The following TMEM132B variants were observed in gnomAD, a reference collection of about 807,000 sequenced individuals.
TMEM132B encodes transmembrane protein 132B.
A neutral mutation model predicts 90.8 loss-of-function variants in TMEM132B; 18 were observed. The observed-to-expected ratio is 0.20, with a 90% CI of 0.14 to 0.29. TMEM132B has a LOEUF of 0.29. Among genes scored for constraint, TMEM132B ranks in the 10% least tolerant of loss-of-function variants. TMEM132B has a pLI of 1.00. For missense variants in TMEM132B, 1,096 were observed against 1,326.8 expected, an observed-to-expected ratio of 0.83 and a Z score of 2.70; for synonymous variants, 504 against 523.3, an observed-to-expected ratio of 0.96 and a Z score of 0.50.
At chr12:125,366,556 G>A (rs2136261679) in intron 2 of TMEM132B, among the ~76,000 whole-genome samples, 1 of 152,268 alleles carries the variant, frequency 6.6e-6, no homozygotes, top group South Asian at 2.1e-4. Flanking sequence ...GTCACCTGTA[G>A]GTGATGTGTT....
chr12:125,192,473 C>T (rs1331163667), intron 1 of TMEM132B, among the ~76,000 whole-genome samples: 3 of 152,200 alleles, frequency 2.0e-5, no homozygotes, highest in African/African-American at 7.2e-5. Flanking sequence ...GAATTTTCCC[C>T]TCCCCCAACC....
intron 1 of TMEM132B, among the ~76,000 whole-genome samples, chr12:125,310,501 CAGTT>C: frequency 6.6e-6 from 1 of 152,320 alleles, no homozygotes; most frequent in South Asian, 2.1e-4. Context: ...AGGGTTCACA[CAGTT>C]AATCAGCAGG....
At chr12:125,426,195 T>A (rs149748305) in intron 3 of TMEM132B, among the ~76,000 whole-genome samples, 105 of 152,370 alleles carry the variant, frequency 6.9e-4, no homozygotes, top group African/African-American at 2.3e-3. Flanking sequence ...TCCCCAATGA[T>A]ACATGATGCT....
At chr12:125,315,058 C>T (rs1653402865) in intron 1 of TMEM132B, among the ~76,000 whole-genome samples, 1 of 152,212 alleles carries the variant, frequency 6.6e-6, no homozygotes, top group Admixed American at 6.5e-5. Context: ...AGGCACCCTC[C>T]TGGGCTTGCA....
At chr12:125,307,653 T>C (rs554296987) in intron 1 of TMEM132B, among the ~76,000 whole-genome samples, 29 of 147,506 alleles carry the variant, frequency 2.0e-4, no homozygotes, top group African/African-American at 7.3e-4. Flanking sequence ...AAGCCCCACG[T>C]CTCTCTCTAC....
chr12:125,303,033 G>A (rs1234333838), intron 1 of TMEM132B, among the ~76,000 whole-genome samples: 1 of 151,984 alleles, frequency 6.6e-6, no homozygotes, highest in Non-Finnish European at 1.5e-5. Context: ...GGAGGCAGAG[G>A]TTGCAGTGAG....
Position 125,644,139 on chromosome 12 carries a change from A to T in TMEM132B, c.1501A>T (p.Ile501Phe), listed in dbSNP as rs370712990. Residue 501 changes from isoleucine (I) to phenylalanine (F), a missense_variant, in exon 6 of 9, where the codon ATT becomes TTT. Coordinates refer to ENST00000682704, the MANE Select transcript of TMEM132B (RefSeq NM_001366854.1). ...GGAAATGAAGAGCAAAGTGGACACG[A>T]TTGTGAACTTCACCCACCAGCACTT... ...GKEMKSKVDT[I>F]VNFTHQHFTS... 6.2e-7 allele frequency: 1 copy of T among 1,614,112 alleles called. No individual in the cohort carries two copies. Among genetic ancestry groups the T allele is most frequent in the Non-Finnish European group, 8.5e-7 (1 of 1,180,052 alleles).
Position 125,492,180 on chromosome 12 carries a change from G to T in TMEM132B, c.1107-27259G>T, listed in dbSNP as rs530608412. The stretch of plus-strand genomic sequence containing the variant: ...CGCCCCCACCGCTCCTCACCTTGCA[G>T]AAATGGGGTACTGGGGCGCATAAGG... On this transcript the variant is annotated intron_variant, in intron 3 of 8. Transcript: ENST00000682704. This position sits in a 1 kb window ranked among gnomAD's most constrained non-coding sequence, Gnocchi z 5.8. 6.6e-6 allele frequency among the ~76,000 whole-genome samples: 1 copy of T among 152,296 alleles called. No individual in the cohort carries two copies. Among genetic ancestry groups the T allele is most frequent in the East Asian group, 1.9e-4 (1 of 5,164 alleles).
At chr12:125,527,320 CCCATCCACCCATCCACCCTT>C (rs1403807366) in intron 4 of TMEM132B, among the ~76,000 whole-genome samples, 22 of 111,480 alleles carry the variant, frequency 2.0e-4, no homozygotes, top group African/African-American at 9.7e-4. Context: ...CTTCCATCCA[CCCATCCACCCATCCACCCTT>C]CCATCCACCC....
chr12:125,436,349 C>G (rs1390793839), intron 3 of TMEM132B, among the ~76,000 whole-genome samples: 1 of 152,116 alleles, frequency 6.6e-6, no homozygotes, highest in Non-Finnish European at 1.5e-5. Context: ...ATGCTCTCTT[C>G]CTGTTATGGA....
At chr12:125,452,000 C>A in intron 3 of TMEM132B, among the ~76,000 whole-genome samples, 1 of 152,206 alleles carries the variant, frequency 6.6e-6, no homozygotes, top group East Asian at 1.9e-4. Flanking sequence ...TGTGAGGCTT[C>A]TTCCACTTTG....
intron 5 of TMEM132B, among the ~76,000 whole-genome samples, chr12:125,641,493 A>G (rs978897888): frequency 6.6e-6 from 1 of 152,164 alleles, no homozygotes; most frequent in Non-Finnish European, 1.5e-5. Flanking sequence ...GTTTTAATTG[A>G]ATTACTTAAA....
chr12:125,270,112 T>TGTGTG (rs1555235074), intron 1 of TMEM132B, among the ~76,000 whole-genome samples: 1 of 143,144 alleles, frequency 7.0e-6, no homozygotes, highest in African/African-American at 2.6e-5. Context: ...CACATCTTTG[T>TGTGTG]TGTGTGTGTG....
rs187798367 is a variant in TMEM132B, at chr12:125,657,891, C to T, written c.*3181C>T. 30 of 152,404 alleles carry T rather than the reference C, an allele frequency of 2.0e-4. No homozygotes were observed. Among genetic ancestry groups the T allele is most frequent in the African/African-American group, 6.0e-4 (25 of 41,562 alleles). The allele number at this position is 152,404 out of a possible 1,614,324, so 9.4% of individuals were successfully genotyped here. Reference sequence around the variant, plus strand: ...ACCTGGAACCATTGAGGATTGCAACCGCTGCCTCCAGGGTCCAGATGTGCT... The same window carrying T: ...ACCTGGAACCATTGAGGATTGCAACTGCTGCCTCCAGGGTCCAGATGTGCT... On this transcript the variant is annotated 3_prime_UTR_variant, in exon 9 of 9. Transcript: ENST00000682704.
intron 1 of TMEM132B, among the ~76,000 whole-genome samples, chr12:125,212,359 T>C (rs1298991846): frequency 1.3e-5 from 2 of 152,156 alleles, no homozygotes; most frequent in Admixed American, 1.3e-4. Context: ...ATATTTTTTG[T>C]AGAGACAGGG....
At chr12:125,494,581 C>T (rs2136573061) in intron 3 of TMEM132B, among the ~76,000 whole-genome samples, 1 of 131,464 alleles carries the variant, frequency 7.6e-6, no homozygotes, top group Non-Finnish European at 1.6e-5. Context: ...TGGATGCGTC[C>T]CTCCTCCCCC....
At chr12:125,525,097 GAGGGGAGGTGATA>G (rs1187470128) in intron 4 of TMEM132B, among the ~76,000 whole-genome samples, 1 of 152,136 alleles carries the variant, frequency 6.6e-6, no homozygotes, top group East Asian at 1.9e-4. Context: ...TGTTTGGGCT[GAGGGGAGGTGATA>G]AGGGGAACAG....
chr12:125,442,575 A>G (rs938648728), intron 3 of TMEM132B, among the ~76,000 whole-genome samples: 1 of 152,206 alleles, frequency 6.6e-6, no homozygotes, highest in Non-Finnish European at 1.5e-5. Context: ...TAAATAATTT[A>G]TATAAAGTAG....
At chr12:125,447,799 C>A (rs537581029) in intron 3 of TMEM132B, among the ~76,000 whole-genome samples, 1 of 152,178 alleles carries the variant, frequency 6.6e-6, no homozygotes, top group Non-Finnish European at 1.5e-5. Flanking sequence ...TATTTTCTCT[C>A]AGCACTTTGA....
Sources: allele counts gnomAD v4.1 joint callset (sites outside exome capture counted in the v4.1 genomes callset), GRCh38; gene constraint gnomAD v4.1.1; non-coding constraint Gnocchi (gnomAD v3.1); transcripts MANE v1.5; gene names NCBI Gene and HGNC (gene_info 2026-07-23, HGNC 2026-07-21).